The following CCDC171 variants were observed in gnomAD, a reference collection of about 807,000 sequenced individuals.
CCDC171 encodes coiled-coil domain-containing protein 171.
Under a neutral mutation model 168.2 loss-of-function variants are expected in CCDC171, and 177 were observed. The ratio of observed to expected loss-of-function variants is 1.05; its 90% CI spans 0.93 to 1.19. The LOEUF is 1.19. Among genes scored for constraint, CCDC171 ranks in the 50% most tolerant of loss-of-function variants. The pLI is 0.00. For missense variants in CCDC171, 1,991 were observed against 1,539.0 expected (o/e 1.29, Z -4.91); for synonymous variants, 687 against 540.8 (o/e 1.27, Z -3.75).
At chr9:15,782,339 A>G (rs1316158407) in intron 20 of CCDC171, among the ~76,000 whole-genome samples, 4 of 152,180 alleles carry the variant, frequency 2.6e-5, no homozygotes. Flanking sequence ...AGCTCCTTAC[A>G]CTTGCTTTCA....
At chr9:15,851,845 T>G (rs1391282761) in intron 23 of CCDC171, among the ~76,000 whole-genome samples, 1 of 151,972 alleles carries the variant, frequency 6.6e-6, no homozygotes, top group African/African-American at 2.4e-5. Flanking sequence ...TGATTTTAGA[T>G]GTCTGGCTTC....
chr9:15,772,315 T>G (rs374740667), intron 18 of CCDC171, among the ~76,000 whole-genome samples: 33 of 152,342 alleles, frequency 2.2e-4, no homozygotes, highest in African/African-American at 7.5e-4. Flanking sequence ...TGAATGTATA[T>G]CTGTGTGTTT....
chr9:15,758,799 G>A (rs1303292222), intron 18 of CCDC171, among the ~76,000 whole-genome samples: 1 of 152,160 alleles, frequency 6.6e-6, no homozygotes, highest in Non-Finnish European at 1.5e-5. Context: ...TTGATAAGGG[G>A]AAGCCTGTTT....
At chr9:15,710,256 T>C (rs2052560279) in intron 11 of CCDC171, among the ~76,000 whole-genome samples, 1 of 152,114 alleles carries the variant, frequency 6.6e-6, no homozygotes. Context: ...GATATTATGG[T>C]TGGCTGATTT....
At chr9:15,773,839 C>T (rs1478289592) in intron 18 of CCDC171, among the ~76,000 whole-genome samples, 1 of 152,142 alleles carries the variant, frequency 6.6e-6, no homozygotes, top group African/African-American at 2.4e-5. Context: ...AAATAAGCAG[C>T]AGAGTTAATA....
chr9:15,928,259 C>G (rs1251473929), intron 25 of CCDC171, among the ~76,000 whole-genome samples: 1 of 151,702 alleles, frequency 6.6e-6, no homozygotes, highest in African/African-American at 2.4e-5. Flanking sequence ...GAGCATATAA[C>G]TGAGGGACTT....
At chr9:15,918,304 C>T (rs998665738) in intron 24 of CCDC171, among the ~76,000 whole-genome samples, 4 of 150,472 alleles carry the variant, frequency 2.7e-5, no homozygotes, top group African/African-American at 9.7e-5. Context: ...CTGAGCCTTA[C>T]AACAGTTTTG....
Position 15,591,367 on chromosome 9 carries a change from A to G in CCDC171, c.354A>G (p.Ala118=), listed in dbSNP as rs763026065. Residue 118 remains alanine (A), a splice_region_variant and synonymous_variant, in exon 5 of 26, where the codon GCA becomes GCG. Transcript: ENST00000380701. The part of the protein sequence containing the change: ...EAHRIQEKLC[A]QNSELQAKTN... Reference sequence around the variant, plus strand: ...TACCTATTATTCTATTCTTAATAGCACAGAATTCAGAACTTCAAGCAAAGA... The same window carrying G: ...TACCTATTATTCTATTCTTAATAGCGCAGAATTCAGAACTTCAAGCAAAGA... The G allele has an allele frequency of 1.3e-6, 2 of 1,580,656 alleles. No homozygotes were observed. The highest frequency in any genetic ancestry group is 3.6e-5 in the Admixed American group (2 of 54,924).
At chr9:15,873,347 A>G (rs1817433184) in intron 23 of CCDC171, among the ~76,000 whole-genome samples, 1 of 152,044 alleles carries the variant, frequency 6.6e-6, no homozygotes, top group African/African-American at 2.4e-5. Flanking sequence ...TCTATCTTGT[A>G]TTTTTGCCAA....
intron 1 of CCDC171, among the ~76,000 whole-genome samples, chr9:15,554,714 A>G (rs2038645052): frequency 6.6e-6 from 1 of 152,202 alleles, no homozygotes; most frequent in Admixed American, 6.5e-5. Context: ...AAACACTTCC[A>G]ACACAGGTGT....
intron 25 of CCDC171, among the ~76,000 whole-genome samples, chr9:15,934,876 C>T (rs1314617699): frequency 1.3e-5 from 2 of 151,920 alleles, no homozygotes; most frequent in Non-Finnish European, 2.9e-5. Context: ...ACTGTGAAAT[C>T]GTTATGCTAA....
At chr9:15,629,616 C>T (rs1410742559) in intron 7 of CCDC171, among the ~76,000 whole-genome samples, 3 of 152,112 alleles carry the variant, frequency 2.0e-5, no homozygotes, top group African/African-American at 7.2e-5. Context: ...GGATATTATC[C>T]AGGAGAACTT....
At chr9:15,777,387 A>AT (rs998951248) in intron 18 of CCDC171, among the ~76,000 whole-genome samples, 4 of 152,014 alleles carry the variant, frequency 2.6e-5, no homozygotes, top group African/African-American at 4.8e-5. Flanking sequence ...ATACATGCAG[A>AT]TTTTTTTTGA....
intron 24 of CCDC171, among the ~76,000 whole-genome samples, chr9:15,908,408 A>C (rs192028874): frequency 3.3e-5 from 5 of 152,108 alleles, no homozygotes; most frequent in African/African-American, 1.2e-4. Flanking sequence ...CACAAGGAGA[A>C]AAAACAAAAC....
intron 16 of CCDC171, among the ~76,000 whole-genome samples, chr9:15,732,488 C>G (rs962326323): frequency 2.6e-5 from 4 of 152,096 alleles, no homozygotes. Context: ...AAACCACAGA[C>G]TTGTCCATCT....
intron 25 of CCDC171, among the ~76,000 whole-genome samples, chr9:15,927,325 T>C (rs1209520860): frequency 6.6e-6 from 1 of 151,644 alleles, no homozygotes; most frequent in African/African-American, 2.4e-5. Flanking sequence ...TAAAGAGCTT[T>C]TGAGTCCCAT....
intron 20 of CCDC171, among the ~76,000 whole-genome samples, chr9:15,782,476 G>A (rs1372091078): frequency 6.6e-6 from 1 of 152,172 alleles, no homozygotes; most frequent in East Asian, 1.9e-4. Flanking sequence ...AATTACCTGA[G>A]TTTTTAGGTA....
intron 7 of CCDC171, among the ~76,000 whole-genome samples, chr9:15,648,716 A>G (rs1164614974): frequency 6.6e-6 from 1 of 152,184 alleles, no homozygotes; most frequent in Non-Finnish European, 1.5e-5. Context: ...CTTCAAGGAG[A>G]ACTACAAACC....
chr9:15,674,374 G>C (rs1450828356), intron 9 of CCDC171, among the ~76,000 whole-genome samples: 1 of 151,942 alleles, frequency 6.6e-6, no homozygotes, highest in Non-Finnish European at 1.5e-5. Flanking sequence ...GTTCTGCTCT[G>C]ATCTTATCTA....
Sources: gnomAD v4.1 joint callset for allele counts (sites outside exome capture counted in the v4.1 genomes callset) on GRCh38, gnomAD v4.1.1 for gene constraint, MANE v1.5 for transcripts, NCBI Gene and HGNC (gene_info 2026-07-23, HGNC 2026-07-21) for gene names.